Variants in TIGIT observed in about 807,000 individuals in gnomAD.
TIGIT encodes the protein T-cell immunoreceptor with Ig and ITIM domains.
In TIGIT, 11 loss-of-function variants were observed where a neutral mutation model predicts 19.6. The observed-to-expected ratio is 0.56, with a 90% confidence interval of 0.35 to 0.93. The LOEUF (loss-of-function observed/expected upper bound fraction) is 0.93, where lower values mean the gene tolerates loss of function less well. Ranked by LOEUF, TIGIT falls within the 40% of genes least tolerant of loss-of-function variation. The probability of loss-of-function intolerance (pLI) is 0.01; values close to 1 mark genes in which losing one functional copy is unlikely to be tolerated. For missense variants in TIGIT, 295 were observed against 303.9 expected, an observed-to-expected ratio of 0.97 and a Z score of 0.22; for synonymous variants, 130 against 125.5, an observed-to-expected ratio of 1.04 and a Z score of -0.24.
Position 114,294,101 on chromosome 3 carries a change from AG to A in TIGIT, c.42del (p.Arg14SerfsTer9), listed in dbSNP as rs1490009743. The A allele has an allele frequency of 6.4e-7, 1 of 1,555,220 alleles. No homozygotes were observed. The highest frequency in any genetic ancestry group is 1.2e-5 in the South Asian group (1 of 84,352). On this transcript the variant is annotated frameshift_variant, in exon 1 of 4. Transcript: ENST00000383671. LOFTEE classifies it high-confidence loss of function. ...CCTCCTGATCTGGGCCCAGGGGCTG[AG>A]GCAGGCTCCCCTCGCCTCAGGTAAG... Reference protein sequence around the residue: ...CLLLIWAQGLRQAPLASGMMT... With the variant: ...CLLLIWAQGLXQAPLASGMMT...
Position 114,295,854 on chromosome 3 carries a change from T to C in TIGIT, c.371T>C (p.Leu124Pro). The C allele has an allele frequency of 6.2e-7, 1 of 1,604,220 alleles. No individual in the cohort carries two copies. The highest frequency in any genetic ancestry group is 1.3e-5 in the African/African-American group (1 of 74,910). Reference sequence around the variant, plus strand: ...GGGACGTACACTGGGAGAATCTTCCTGGAGGTCCTAGAAAGCTCAGGTATT... The same window carrying C: ...GGGACGTACACTGGGAGAATCTTCCCGGAGGTCCTAGAAAGCTCAGGTATT... ...PDGTYTGRIF[L>P]EVLESSVAEH... Residue 124 changes from leucine (L) to proline (P), a missense_variant, in exon 2 of 4, where the codon CTG becomes CCG. Transcript: ENST00000383671.
chr3:114,294,289 T>A (rs1220254717), intron 1 of TIGIT, among the ~76,000 whole-genome samples, 167 bp downstream of exon 1: 1 of 152,138 alleles, frequency 6.6e-6, no homozygotes, highest in African/African-American at 2.4e-5. Flanking sequence ...GAAAGGACAA[T>A]CTCTGAGAAT....
chr3:114,299,607 C>G lies in TIGIT; in HGVS notation c.402C>G (p.His134Gln), dbSNP rs778828718. Residue 134 changes from histidine to glutamine, a missense_variant, in exon 3 of 4, where the codon CAC (histidine) becomes CAG (glutamine). Physicochemically the swap from His to Gln is conservative, Grantham distance 24 (BLOSUM62 0). Transcript: ENST00000383671. ...TTGTCCTCCCTCTAGTGGCTGAGCA[C>G]GGTGCCAGGTTCCAGATTCCATTGC... ...LEVLESSVAEHGARFQIPLLG... is the reference protein window; with the variant it reads ...LEVLESSVAEQGARFQIPLLG... 3 of 1,612,882 alleles carry G rather than the reference C, an allele frequency of 1.9e-6. No homozygotes were observed. The highest frequency in any genetic ancestry group is 2.5e-6 in the Non-Finnish European group (3 of 1,179,476).
At chr3:114,294,390 GAGA>G (rs536817508) in intron 1 of TIGIT, among the ~76,000 whole-genome samples, 402 of 152,262 alleles carry the variant, frequency 2.6e-3, no homozygotes, top group African/African-American at 5.3e-3. Flanking sequence ...GAAGGAGCAG[GAGA>G]AGAAGAAGGG....
chr3:114,295,051 G>A (rs1013118228), intron 1 of TIGIT: 10 of 164,608 alleles, frequency 6.1e-5, no homozygotes, highest in African/African-American at 2.4e-4. Context: ...AACGTGCTAA[G>A]TTGTGTAGTC....
chr3:114,309,635 A>C lies in TIGIT; in HGVS notation c.*1504A>C, dbSNP rs1411958980. 1 of 152,224 alleles carries C rather than the reference A, an allele frequency of 6.6e-6. No individual in the cohort carries two copies. Among genetic ancestry groups the C allele is most frequent in the African/African-American group, 2.4e-5 (1 of 41,460 alleles). The allele number at this position is 152,224 out of a possible 1,614,324, so 9.4% of individuals were successfully genotyped here. On this transcript the variant is annotated 3_prime_UTR_variant, in exon 4 of 4. Coordinates refer to ENST00000383671, the MANE Select transcript of TIGIT (RefSeq NM_173799.4). Reference sequence around the variant, plus strand: ...GAAGAATGAACTGAAATCTGTCCAGAGCTCCAAGTCCTTTGGAAGAAAGAT... The same window carrying C: ...GAAGAATGAACTGAAATCTGTCCAGCGCTCCAAGTCCTTTGGAAGAAAGAT...
In TIGIT at chr3:114,309,074, T is replaced by G. The variant is rs1236167661; in HGVS notation, c.*943T>G. 1 of 152,198 alleles carries G rather than the reference T, an allele frequency of 6.6e-6. No homozygotes were observed. Among genetic ancestry groups the G allele is most frequent in the African/African-American group, 2.4e-5 (1 of 41,454 alleles). The allele number at this position is 152,198 out of a possible 1,614,324, so 9.4% of individuals were successfully genotyped here. A position where few individuals can be genotyped will look rare whatever the true frequency, so the allele number is the denominator to read the frequency against. On this transcript the variant is annotated 3_prime_UTR_variant, in exon 4 of 4. Transcript: ENST00000383671. ...CACACAGGGAGCCAAGTCGTAGCAT[T>G]TGGGCCTTGATCTACCTTTTCTGCA... is the stretch of plus-strand genomic sequence containing the variant.
chr3:114,302,173 TC>T (rs987787613), intron 3 of TIGIT, among the ~76,000 whole-genome samples: 8 of 152,194 alleles, frequency 5.3e-5, no homozygotes, highest in Admixed American at 3.3e-4. Flanking sequence ...TACCCTCATC[TC>T]ATTCCTCTCT....
In TIGIT at chr3:114,303,308, C is replaced by A. The variant is rs144832206; in HGVS notation, c.498+3605C>A. On this transcript the variant is annotated intron_variant, in intron 3 of 3. Coordinates refer to ENST00000383671, the MANE Select transcript of TIGIT (RefSeq NM_173799.4). ...CTGAGTCCCCAAAGTCCATTAGTCC[C>A]TTGTATCATTCTTAACGCCTTTGCG... 2.6e-3 allele frequency among the ~76,000 whole-genome samples: 394 copies of A among 151,928 alleles called. 2 individuals carry two copies. The highest frequency in any genetic ancestry group is 9.1e-3 in the African/African-American group (377 of 41,428).
intron 2 of TIGIT, among the ~76,000 whole-genome samples, chr3:114,298,856 C>T (rs1020797631): frequency 4.6e-5 from 7 of 152,206 alleles, no homozygotes; most frequent in Non-Finnish European, 1.5e-5. Context: ...TGGAAACCTA[C>T]CTACAGCGCA....
At position 114,295,785 on chromosome 3, in the gene TIGIT, A is replaced by G. The variant is rs1361462365; in HGVS notation, c.302A>G (p.Asn101Ser). 1.2e-6 allele frequency: 2 copies of G among 1,614,164 alleles called. No homozygotes were observed. The change falls in exon 2 of 4, where the codon AAC becomes AGC. Residue 101 changes from asparagine (N) to serine (S), a missense_variant. Transcript: ENST00000383671. ...CTCACCCTCCAGTCGCTGACCGTGA[A>G]CGATACAGGGGAGTACTTCTGCATC... is the stretch of plus-strand genomic sequence containing the variant. The part of the protein sequence containing the change: ...LGLTLQSLTV[N>S]DTGEYFCIYH...
chr3:114,301,815 C>T (rs1284671641), intron 3 of TIGIT, among the ~76,000 whole-genome samples: 1 of 152,170 alleles, frequency 6.6e-6, no homozygotes, highest in Non-Finnish European at 1.5e-5. Context: ...CTTTCCTGTG[C>T]TTTGGATATA....
intron 2 of TIGIT, among the ~76,000 whole-genome samples, chr3:114,299,091 C>T (rs2078473100): frequency 6.6e-6 from 1 of 152,200 alleles, no homozygotes. Flanking sequence ...GAGTCCAGAG[C>T]CTCATGCCCT....
chr3:114,295,115 A>G, intron 1 of TIGIT: 1 of 199,794 alleles, frequency 5.0e-6, no homozygotes. Context: ...AGTGAATGTG[A>G]AAGGAAAAGG....
rs2078546218 is a variant in TIGIT, at chr3:114,307,929, A to T, written c.533A>T (p.Asp178Val). ...CTCAGAATCCATTCTGTGGAAGGTG[A>T]CCTCAGGAGAAAATCAGCTGGACAG... is the stretch of plus-strand genomic sequence containing the variant. ...KALRIHSVEG[D>V]LRRKSAGQEE... The change falls in exon 4 of 4, where the codon GAC becomes GTC. Residue 178 changes from aspartate (D) to valine (V), a missense_variant. By Grantham distance (152) the Asp-to-Val change is radical. Transcript: ENST00000383671. The T allele has an allele frequency of 7.4e-6, 12 of 1,614,090 alleles. No individual in the cohort carries two copies. Among genetic ancestry groups the T allele is most frequent in the Non-Finnish European group, 1.0e-5 (12 of 1,180,018 alleles).
At chr3:114,299,575 C>G in intron 2 of TIGIT, 22 bp from the exon 3 acceptor site, 1 of 1,581,966 alleles carries the variant, frequency 6.3e-7, no homozygotes, top group Non-Finnish European at 8.7e-7. Flanking sequence ...TGCCACTCAT[C>G]TCTGTTTTGT....
chr3:114,301,474 G>T (rs930486524), intron 3 of TIGIT, among the ~76,000 whole-genome samples: 1 of 152,218 alleles, frequency 6.6e-6, no homozygotes, highest in African/African-American at 2.4e-5. Context: ...GGGGGGAGGT[G>T]AAGAAGATGA....
At chr3:114,303,040 A>G (rs2078502288) in intron 3 of TIGIT, among the ~76,000 whole-genome samples, 1 of 152,234 alleles carries the variant, frequency 6.6e-6, no homozygotes, top group Admixed American at 6.5e-5. Context: ...TGTTCCAACA[A>G]ACCTTTATTT....
At chr3:114,298,889 T>A (rs990437918) in intron 2 of TIGIT, among the ~76,000 whole-genome samples, 5 of 152,238 alleles carry the variant, frequency 3.3e-5, no homozygotes, top group Non-Finnish European at 7.3e-5. Flanking sequence ...GTGATGGTGT[T>A]CTTTTTCTCA....
Sources: gnomAD v4.1 joint callset for allele counts (sites outside exome capture counted in the v4.1 genomes callset) on GRCh38, gnomAD v4.1.1 for gene constraint, MANE v1.5 for transcripts, NCBI Gene and HGNC (gene_info 2026-07-23, HGNC 2026-07-21) for gene names.